The following PTCHD4 variants were observed in gnomAD, a reference collection of about 807,000 sequenced individuals.
PTCHD4 encodes the protein patched domain-containing protein 4.
In PTCHD4, 33 loss-of-function variants were observed where a neutral mutation model predicts 58.1. The observed-to-expected ratio is 0.57, with a 90% CI of 0.43 to 0.76. The LOEUF (loss-of-function observed/expected upper bound fraction) is 0.76. Ranked by LOEUF, PTCHD4 falls within the 30% of genes least tolerant of loss-of-function variation. The pLI, the probability that PTCHD4 is intolerant of heterozygous loss-of-function variation, is 0.00. For missense variants in PTCHD4, 1,058 were observed against 1,027.1 expected (o/e 1.03, Z -0.41); for synonymous variants, 478 against 409.6 (o/e 1.17, Z -2.02).
chr6:47,898,962 C>T (rs1160337599), intron 4 of PTCHD4, among the ~76,000 whole-genome samples: 3 of 152,116 alleles, frequency 2.0e-5, no homozygotes, highest in Non-Finnish European at 4.4e-5. Flanking sequence ...GAGAAAAATC[C>T]AGTGATTGGT....
chr6:47,992,700 C>A (rs987800133), intron 4 of PTCHD4, among the ~76,000 whole-genome samples: 3 of 152,142 alleles, frequency 2.0e-5, no homozygotes, highest in African/African-American at 7.2e-5. Flanking sequence ...ATTATGTACA[C>A]ACTTTTTATT....
At chr6:47,918,086 C>A (rs1028486101) in intron 4 of PTCHD4, among the ~76,000 whole-genome samples, 1 of 152,040 alleles carries the variant, frequency 6.6e-6, no homozygotes, top group African/African-American at 2.4e-5. Flanking sequence ...CAGATGTTAT[C>A]TTTTCCACAC....
At chr6:48,091,902 G>A (rs1328165823) in intron 1 of PTCHD4, among the ~76,000 whole-genome samples, 2 of 151,618 alleles carry the variant, frequency 1.3e-5, no homozygotes, top group Non-Finnish European at 2.9e-5. Context: ...CACCTGCCTC[G>A]GGCTCCCAAA....
At chr6:47,895,667 C>A (rs1344479345) in intron 4 of PTCHD4, among the ~76,000 whole-genome samples, 4 of 152,120 alleles carry the variant, frequency 2.6e-5, no homozygotes, top group African/African-American at 9.7e-5. Context: ...ACGTGCCCAA[C>A]AAGTACATAA....
At chr6:48,056,359 T>C (rs1447876958) in intron 3 of PTCHD4, among the ~76,000 whole-genome samples, 2 of 152,186 alleles carry the variant, frequency 1.3e-5, no homozygotes, top group Non-Finnish European at 2.9e-5. Flanking sequence ...TTTTCATACA[T>C]AGAAAGGGTA....
chr6:48,081,757 G>A (rs1765172373), intron 1 of PTCHD4, among the ~76,000 whole-genome samples: 1 of 152,188 alleles, frequency 6.6e-6, no homozygotes, highest in Non-Finnish European at 1.5e-5. Flanking sequence ...TAGGCATTAA[G>A]AAGGATATAG....
chr6:47,909,631 C>G (rs1046167372), intron 4 of PTCHD4, among the ~76,000 whole-genome samples: 2 of 152,024 alleles, frequency 1.3e-5, no homozygotes, highest in African/African-American at 4.8e-5. Context: ...TTTGTAGAGA[C>G]AGGGTATCAC....
Position 48,068,731 on chromosome 6 carries a change from C to G in PTCHD4, c.6-90G>C, listed in dbSNP as rs911721274. ...GGGGCCAGTCCCCCCTCCCCACCGCCGCCGCCTCCCCACCCACTCCGCGCT... is the reference window on the plus strand; with the variant it reads ...GGGGCCAGTCCCCCCTCCCCACCGCGGCCGCCTCCCCACCCACTCCGCGCT... On this transcript the variant is annotated intron_variant, in intron 2 of 4. Coordinates refer to ENST00000339488, the MANE Select transcript of PTCHD4 (RefSeq NM_001384253.1). The surrounding 1 kb of genome is among the most constrained non-coding windows in gnomAD (Gnocchi z 4.2). 58 of 1,302,582 alleles carry G rather than the reference C, an allele frequency of 4.5e-5. No homozygotes were observed. In the Middle Eastern group the frequency reaches 1.6e-3, roughly 37 times the overall value. 80.7% of individuals were successfully genotyped at this position (1,302,582 alleles called of 1,614,324 possible).
intron 3 of PTCHD4, among the ~76,000 whole-genome samples, chr6:48,056,555 A>G (rs1159733798): frequency 6.6e-6 from 1 of 152,222 alleles, no homozygotes; most frequent in Non-Finnish European, 1.5e-5. Flanking sequence ...AATTGAGTGT[A>G]CTTTCTTGGA....
At chr6:47,961,500 G>A (rs1273730940) in intron 4 of PTCHD4, among the ~76,000 whole-genome samples, 1 of 151,754 alleles carries the variant, frequency 6.6e-6, no homozygotes, top group Non-Finnish European at 1.5e-5. Context: ...CACCACGTTG[G>A]CCAGGCTGGT....
At chr6:48,091,934 G>A (rs1471328608) in intron 1 of PTCHD4, among the ~76,000 whole-genome samples, 1 of 151,916 alleles carries the variant, frequency 6.6e-6, no homozygotes, top group Non-Finnish European at 1.5e-5. Flanking sequence ...ACAGGCATGA[G>A]CCACCACGAG....
chr6:48,106,029 G>A (rs1043493374), intron 1 of PTCHD4, among the ~76,000 whole-genome samples: 2 of 152,136 alleles, frequency 1.3e-5, no homozygotes, highest in African/African-American at 2.4e-5. Context: ...GGTAGAAGGA[G>A]GAGCTGGTAC....
At chr6:48,070,435 C>T (rs1182930519) in intron 1 of PTCHD4, among the ~76,000 whole-genome samples, 1 of 152,034 alleles carries the variant, frequency 6.6e-6, no homozygotes, top group South Asian at 2.1e-4. Context: ...AGTTAAGAGA[C>T]CAATGACACA....
intron 4 of PTCHD4, among the ~76,000 whole-genome samples, chr6:47,930,915 T>C (rs1765795526): frequency 6.6e-6 from 1 of 152,174 alleles, no homozygotes; most frequent in Admixed American, 6.5e-5. Context: ...TGCCTCAGCC[T>C]CCCAAGTAGC....
At chr6:48,001,113 A>T (rs1768704898) in intron 4 of PTCHD4, among the ~76,000 whole-genome samples, 1 of 152,152 alleles carries the variant, frequency 6.6e-6, no homozygotes, top group African/African-American at 2.4e-5. Flanking sequence ...AGAGGATACA[A>T]AAAAAATGGA....
chr6:48,068,893 C>T lies in PTCHD4; in HGVS notation c.5+60G>A, dbSNP rs1337941926. Among the ~76,000 whole-genome samples, 8 of 151,608 alleles carry T rather than the reference C, an allele frequency of 5.3e-5. No individual in the cohort carries two copies. The highest frequency in any genetic ancestry group is 3.3e-4 in the Admixed American group (5 of 15,238). The stretch of plus-strand genomic sequence containing the variant: ...GCGTGGGGGCGGGCGGCGGGCGCCG[C>T]GGGGCCCACCCCCTCCCCGGTCTCC... On this transcript the variant is annotated intron_variant, in intron 2 of 4. Transcript: ENST00000339488. This position sits in a 1 kb window ranked among gnomAD's most constrained non-coding sequence, Gnocchi z 4.2.
Position 47,933,557 on chromosome 6 carries a change from T to A in PTCHD4, c.899-53621A>T, listed in dbSNP as rs527653568. On this transcript the variant is annotated intron_variant, in intron 4 of 4. Transcript: ENST00000339488. ...CATTTTAAGTGCTGCAAATTCCTAA[T>A]GAATCCTGCAAGATGAACTGGATTC... 2.0e-5 allele frequency among the ~76,000 whole-genome samples: 3 copies of A among 152,350 alleles called. 1 individual carries two copies. In the South Asian group the frequency reaches 6.2e-4, roughly 32 times the overall value.
At position 47,875,703 on chromosome 6, in the gene PTCHD4, CA is replaced by C. The variant is rs1296786535; in HGVS notation, c.*2599del. Among the ~76,000 whole-genome samples, 1 of 151,810 alleles carries C rather than the reference CA, an allele frequency of 6.6e-6. No homozygotes were observed. Among genetic ancestry groups the C allele is most frequent in the Non-Finnish European group, 1.5e-5 (1 of 67,894 alleles). ...AAAGAACTGTTTTTCCCTATCTAAACAGAGACTATCTGGATGGAGACATAAT... is the reference window on the plus strand; with the variant it reads ...AAAGAACTGTTTTTCCCTATCTAAACGAGACTATCTGGATGGAGACATAAT... On this transcript the variant is annotated 3_prime_UTR_variant, in exon 5 of 5. Transcript: ENST00000339488.
chr6:47,914,791 T>TCTATCTA (rs1289835789), intron 4 of PTCHD4, among the ~76,000 whole-genome samples: 2 of 150,994 alleles, frequency 1.3e-5, no homozygotes, highest in Non-Finnish European at 2.9e-5. Context: ...TATCTATCTA[T>TCTATCTA]ATTTGTACCA....
Sources: allele counts gnomAD v4.1 joint callset (sites outside exome capture counted in the v4.1 genomes callset), GRCh38; gene constraint gnomAD v4.1.1; non-coding constraint Gnocchi (gnomAD v3.1); transcripts MANE v1.5; gene names NCBI Gene and HGNC (gene_info 2026-07-23, HGNC 2026-07-21).